Variants in PDE4D observed in about 807,000 individuals in gnomAD.
PDE4D encodes the protein 3',5'-cyclic-AMP phosphodiesterase 4D.
Under a neutral mutation model 87.4 loss-of-function variants are expected in PDE4D, and 24 were observed. The observed-to-expected ratio is 0.27, with a 90% confidence interval of 0.20 to 0.39. The LOEUF (loss-of-function observed/expected upper bound fraction) is 0.39. Ranked by LOEUF, PDE4D falls within the 10% of genes least tolerant of loss-of-function variation. PDE4D has a pLI of 1.00. For synonymous variants in PDE4D, 384 were observed against 383.2 expected (o/e 1.00, Z -0.02); for missense variants, 714 against 1,041.0 (o/e 0.69, Z 4.32).
rs551259595 is a variant in PDE4D at position 59,306,449 on chromosome 5, CTTTTG to C, written c.456-90486_456-90482del. Reference sequence around the variant, plus strand: ...CATCATGCTCTTTGTTGCCTGTATACTTTTGTTTTGTTTTGTTTTCGCTTTTTAGC... The same window carrying C: ...CATCATGCTCTTTGTTGCCTGTATACTTTTGTTTTGTTTTCGCTTTTTAGC... On this transcript the variant is annotated intron_variant, in intron 1 of 14. Transcript: ENST00000340635. 4.8e-3 allele frequency among the ~76,000 whole-genome samples: 734 copies of C among 152,222 alleles called. 4 individuals carry two copies. The highest frequency in any genetic ancestry group is 7.0e-3 in the Non-Finnish European group (473 of 67,994).
chr5:60,478,936 C>T (rs570461826), intron 1 of PDE4D, among the ~76,000 whole-genome samples: 16 of 152,246 alleles, frequency 1.1e-4, no homozygotes, highest in South Asian at 4.2e-4. Flanking sequence ...TAATAATATG[C>T]GCTGTAGAGC....
intron 1 of PDE4D, among the ~76,000 whole-genome samples, chr5:60,479,816 C>A (rs1380145490): frequency 1.3e-5 from 2 of 152,142 alleles, no homozygotes; most frequent in Non-Finnish European, 2.9e-5. Context: ...AAAACATAAC[C>A]CTCACCCAGA....
intron 2 of PDE4D, among the ~76,000 whole-genome samples, chr5:60,068,556 T>C (rs1196652164): frequency 6.6e-6 from 1 of 151,974 alleles, no homozygotes; most frequent in Non-Finnish European, 1.5e-5. Flanking sequence ...TAAGTGTCCT[T>C]TTCACTCTGT....
intron 1 of PDE4D, among the ~76,000 whole-genome samples, chr5:60,260,444 A>G (rs9291685): frequency 0.53 from 81,048 of 151,932 alleles, 22,316 homozygotes; most frequent in African/African-American, 0.65. Context: ...GCATATTTTA[A>G]CACAGAGCAG....
At chr5:59,353,525 A>G (rs1412870731) in intron 1 of PDE4D, among the ~76,000 whole-genome samples, 1 of 152,166 alleles carries the variant, frequency 6.6e-6, no homozygotes, top group East Asian at 1.9e-4. Context: ...ACCTAGGCAG[A>G]TAAATCAGCA....
chr5:59,653,491 T>C (rs1049147489), intron 1 of PDE4D, among the ~76,000 whole-genome samples: 2 of 152,180 alleles, frequency 1.3e-5, no homozygotes, highest in Admixed American at 6.5e-5. Context: ...ATCATTTGAA[T>C]CCACCGTAGT....
chr5:59,936,358 T>TA (rs901501440), intron 3 of PDE4D, among the ~76,000 whole-genome samples: 5 of 150,624 alleles, frequency 3.3e-5, no homozygotes, highest in Admixed American at 6.6e-5. Context: ...ACTTAAAGTC[T>TA]AAAAAAAAAG....
chr5:60,116,319 A>T (rs961199489), intron 2 of PDE4D, among the ~76,000 whole-genome samples: 1 of 152,146 alleles, frequency 6.6e-6, no homozygotes, highest in Non-Finnish European at 1.5e-5. Context: ...AGAGTTCTAT[A>T]GGAGGAGCAA....
chr5:59,908,986 T>C (rs1753148523), intron 3 of PDE4D, among the ~76,000 whole-genome samples: 1 of 152,246 alleles, frequency 6.6e-6, no homozygotes, highest in Non-Finnish European at 1.5e-5. Flanking sequence ...ACATTATTTT[T>C]ATTTGCACTG....
intron 1 of PDE4D, among the ~76,000 whole-genome samples, chr5:59,334,536 G>C (rs1367829845): frequency 1.3e-5 from 2 of 152,062 alleles, no homozygotes; most frequent in Non-Finnish European, 2.9e-5. Flanking sequence ...AGGATTACAG[G>C]TGTGAGGCAC....
At chr5:59,963,468 C>A (rs912253083) in intron 3 of PDE4D, among the ~76,000 whole-genome samples, 1 of 152,058 alleles carries the variant, frequency 6.6e-6, no homozygotes, top group African/African-American at 2.4e-5. Flanking sequence ...TCCTGGCAGT[C>A]TATTGAAGGG....
At chr5:59,151,572 C>A (rs748463386) in intron 5 of PDE4D, among the ~76,000 whole-genome samples, 2 of 152,134 alleles carry the variant, frequency 1.3e-5, no homozygotes, top group Non-Finnish European at 2.9e-5. Context: ...AGCTCTCTGG[C>A]AGGAATGAAA....
At chr5:59,527,238 TACATATATG>T (rs1271390964) in intron 1 of PDE4D, among the ~76,000 whole-genome samples, 3 of 152,200 alleles carry the variant, frequency 2.0e-5, no homozygotes, top group Admixed American at 2.0e-4. Flanking sequence ...ATTTTAAATT[TACATATATG>T]AATAAGCAAA....
intron 1 of PDE4D, among the ~76,000 whole-genome samples, chr5:59,426,944 C>CCTCTGCCACCT (rs999773142): frequency 1.3e-5 from 2 of 151,226 alleles, no homozygotes; most frequent in African/African-American, 2.4e-5. Flanking sequence ...AGGAAATTCC[C>CCTCTGCCACCT]CTCTGCCACC....
intron 5 of PDE4D, among the ~76,000 whole-genome samples, chr5:59,149,785 A>G (rs959618022): frequency 7.0e-6 from 1 of 143,250 alleles, no homozygotes; most frequent in Non-Finnish European, 1.5e-5. Flanking sequence ...CTTAACAAAT[A>G]TTTCCAAGAA....
chr5:60,200,223 A>G (rs532550067), intron 1 of PDE4D, among the ~76,000 whole-genome samples: 3 of 151,780 alleles, frequency 2.0e-5, no homozygotes, highest in South Asian at 2.1e-4. Flanking sequence ...TTAATATCCA[A>G]TTTGCAGATG....
intron 1 of PDE4D, among the ~76,000 whole-genome samples, chr5:60,270,190 T>G (rs542397175): frequency 6.6e-6 from 1 of 152,204 alleles, no homozygotes; most frequent in African/African-American, 2.4e-5. Flanking sequence ...AGAAGGTCAC[T>G]GCAAGAAAGA....
intron 1 of PDE4D, among the ~76,000 whole-genome samples, chr5:59,335,228 G>T (rs750840999): frequency 5.9e-5 from 9 of 152,180 alleles, no homozygotes; most frequent in Non-Finnish European, 1.2e-4. Flanking sequence ...CATAGTATAG[G>T]TGCTCAATAA....
intron 1 of PDE4D, among the ~76,000 whole-genome samples, chr5:60,313,769 A>G (rs1002519569): frequency 6.6e-6 from 1 of 152,234 alleles, no homozygotes; most frequent in Non-Finnish European, 1.5e-5. Flanking sequence ...TATCCCTGGG[A>G]TACAAAGTTA....
Sources: allele counts gnomAD v4.1 joint callset (sites outside exome capture counted in the v4.1 genomes callset), GRCh38; gene constraint gnomAD v4.1.1; transcripts MANE v1.5; gene names NCBI Gene and HGNC (gene_info 2026-07-23, HGNC 2026-07-21).